Variants in TBC1D14 observed in about 807,000 individuals in gnomAD.
The protein encoded by TBC1D14 is TBC1 domain family member 14.
Under a neutral mutation model 79.0 loss-of-function variants are expected in TBC1D14, and 26 were observed. The ratio of observed to expected loss-of-function variants is 0.33; its 90% confidence interval spans 0.24 to 0.46. TBC1D14 has a LOEUF of 0.46. Among genes scored for constraint, TBC1D14 ranks in the 20% least tolerant of loss-of-function variants. TBC1D14 has a pLI of 1.00. For missense variants in TBC1D14, 769 were observed against 887.6 expected (o/e 0.87, Z 1.70); for synonymous variants, 394 against 349.9 (o/e 1.13, Z -1.40).
intron 2 of TBC1D14, among the ~76,000 whole-genome samples, chr4:6,933,815 T>C (rs1235018934): frequency 1.3e-5 from 2 of 152,128 alleles, no homozygotes; most frequent in East Asian, 1.9e-4. Context: ...GAGAGGAGGC[T>C]TCCGGGCAGG....
At chr4:7,010,982 AT>A (rs1720709171) in intron 11 of TBC1D14, among the ~76,000 whole-genome samples, 1 of 152,224 alleles carries the variant, frequency 6.6e-6, no homozygotes, top group Non-Finnish European at 1.5e-5. Flanking sequence ...TAGTAGCCGT[AT>A]GTCTGGGTTT....
At chr4:6,992,910 G>A (rs1053311581) in intron 3 of TBC1D14, among the ~76,000 whole-genome samples, 1 of 152,184 alleles carries the variant, frequency 6.6e-6, no homozygotes, top group Non-Finnish European at 1.5e-5. Flanking sequence ...ACAGTGTTAA[G>A]ACATGTGACC....
At chr4:6,965,867 C>T (rs922456967) in intron 2 of TBC1D14, among the ~76,000 whole-genome samples, 4 of 152,206 alleles carry the variant, frequency 2.6e-5, no homozygotes, top group East Asian at 1.9e-4. Context: ...CAGGTTTCTC[C>T]GGCATAAGAT....
chr4:6,962,626 G>T (rs929507147), intron 2 of TBC1D14, among the ~76,000 whole-genome samples: 13 of 152,072 alleles, frequency 8.5e-5, no homozygotes, highest in Non-Finnish European at 1.3e-4. Context: ...GGCAGGGTTG[G>T]TAAATGGCCC....
chr4:6,943,814 T>C (rs1713154590), intron 2 of TBC1D14, among the ~76,000 whole-genome samples: 1 of 152,160 alleles, frequency 6.6e-6, no homozygotes, highest in African/African-American at 2.4e-5. Flanking sequence ...GCAGATAACC[T>C]TGAGTGAATG....
chr4:7,030,714 T>C lies in TBC1D14; in HGVS notation c.*322T>C, dbSNP rs1288164830. 1.6e-5 allele frequency: 4 copies of C among 244,454 alleles called. No individual in the cohort carries two copies. Among genetic ancestry groups the C allele is most frequent in the Admixed American group, 1.4e-4 (3 of 20,828 alleles). The allele number at this position is 244,454 out of a possible 1,614,324, so 15.1% of individuals were successfully genotyped here. A position where few individuals can be genotyped will look rare whatever the true frequency, so the allele number is the denominator to read the frequency against. The stretch of plus-strand genomic sequence containing the variant: ...AGCTAATTAAATTGTAATGTTTCTA[T>C]GTCAACTACTGGGAAGTATGTTACA... On this transcript the variant is annotated 3_prime_UTR_variant, in exon 14 of 14. Transcript: ENST00000409757.
intron 2 of TBC1D14, among the ~76,000 whole-genome samples, chr4:6,966,180 A>G (rs542727286): frequency 3.3e-5 from 5 of 152,328 alleles, no homozygotes; most frequent in East Asian, 1.9e-4. Context: ...GTGGGAGCCT[A>G]TTCAGGCTGG....
intron 1 of TBC1D14, among the ~76,000 whole-genome samples, chr4:6,914,709 G>A (rs747742644): frequency 2.6e-5 from 4 of 152,152 alleles, no homozygotes; most frequent in African/African-American, 2.4e-5. Flanking sequence ...AGCCTGGAGC[G>A]TCCAGTCCTT....
chr4:6,939,073 C>T (rs920887221), intron 2 of TBC1D14, among the ~76,000 whole-genome samples: 20 of 152,218 alleles, frequency 1.3e-4, no homozygotes, highest in African/African-American at 4.6e-4. Context: ...GCCTCTTCCT[C>T]ATCAGCAGTG....
intron 1 of TBC1D14, among the ~76,000 whole-genome samples, chr4:6,918,999 C>T (rs13435015): frequency 0.36 from 54,812 of 151,916 alleles, 10,260 homozygotes; most frequent in East Asian, 0.64. Context: ...GGAGGGCTCA[C>T]GGCTCTGGGG....
intron 1 of TBC1D14, among the ~76,000 whole-genome samples, chr4:6,921,417 G>C (rs937276542): frequency 6.6e-6 from 1 of 152,076 alleles, no homozygotes; most frequent in Non-Finnish European, 1.5e-5. Flanking sequence ...TGTTGCCGAG[G>C]CTTGCTTTTG....
chr4:6,987,253 G>A, intron 3 of TBC1D14: 1 of 1,270,896 alleles, frequency 7.9e-7, no homozygotes, highest in Non-Finnish European at 9.9e-7. Flanking sequence ...GCGTCCGCCC[G>A]CCCGCCCGCG....
intron 11 of TBC1D14, 137 bp downstream of exon 11, chr4:7,010,918 A>T: frequency 9.4e-7 from 1 of 1,059,836 alleles, no homozygotes. Flanking sequence ...CAGCACTGTA[A>T]GGTGGAGGAT....
intron 1 of TBC1D14, among the ~76,000 whole-genome samples, chr4:6,919,848 T>A (rs577042889): frequency 6.6e-6 from 1 of 152,276 alleles, no homozygotes; most frequent in Non-Finnish European, 1.5e-5. Context: ...CTCAAACTCC[T>A]GACTTCGTGA....
intron 1 of TBC1D14, among the ~76,000 whole-genome samples, chr4:6,918,627 TAC>T (rs1158603523): frequency 1.3e-5 from 2 of 152,194 alleles, no homozygotes; most frequent in African/African-American, 4.8e-5. Flanking sequence ...GAGGTCGCCT[TAC>T]TTGGCAAGTG....
intron 2 of TBC1D14, among the ~76,000 whole-genome samples, chr4:6,949,608 G>A (rs548361308): frequency 6.0e-4 from 91 of 151,362 alleles, no homozygotes; most frequent in African/African-American, 2.1e-3. Flanking sequence ...GCTTGAACCC[G>A]CGAGGCAGAG....
intron 12 of TBC1D14, among the ~76,000 whole-genome samples, chr4:7,021,367 G>T (rs1022610877): frequency 1.3e-5 from 2 of 152,214 alleles, no homozygotes; most frequent in Non-Finnish European, 2.9e-5. Context: ...AGAGGCTGAG[G>T]TGACAGGATC....
chr4:7,002,910 TCAG>T (rs1480428353), intron 7 of TBC1D14, among the ~76,000 whole-genome samples: 3 of 152,190 alleles, frequency 2.0e-5, no homozygotes, highest in Non-Finnish European at 4.4e-5. Context: ...TAGAGAAGGC[TCAG>T]CATCCTGGAA....
At chr4:6,939,911 C>T (rs1330652256) in intron 2 of TBC1D14, among the ~76,000 whole-genome samples, 3 of 152,204 alleles carry the variant, frequency 2.0e-5, no homozygotes, top group Non-Finnish European at 4.4e-5. Context: ...GACGAAGGCC[C>T]TGAGGCCGGC....
Sources: allele counts gnomAD v4.1 joint callset (sites outside exome capture counted in the v4.1 genomes callset), GRCh38; gene constraint gnomAD v4.1.1; transcripts MANE v1.5; gene names NCBI Gene and HGNC (gene_info 2026-07-23, HGNC 2026-07-21).